SFI1: variants seen among roughly 807,000 people sequenced by gnomAD.
SFI1 encodes the protein protein SFI1 homolog.
A neutral mutation model predicts 207.5 loss-of-function variants in SFI1; 195 were observed. The ratio of observed to expected loss-of-function variants is 0.94; its 90% CI spans 0.84 to 1.06. The LOEUF (loss-of-function observed/expected upper bound fraction) is 1.06. Among genes scored for constraint, SFI1 ranks in the 50% least tolerant of loss-of-function variants. SFI1 has a pLI of 0.00. For synonymous variants in SFI1, 630 were observed against 598.9 expected (o/e 1.05, Z -0.76); for missense variants, 1,634 against 1,588.0 (o/e 1.03, Z -0.49).
At chr22:31,559,846 A>G in intron 7 of SFI1, 1 of 687,576 alleles carries the variant, frequency 1.5e-6, no homozygotes, top group Admixed American at 1.8e-5. Context: ...CCCATAGAGG[A>G]CCGCACCACT....
At chr22:31,537,192 C>T (rs2059079998) in intron 4 of SFI1, among the ~76,000 whole-genome samples, 1 of 152,196 alleles carries the variant, frequency 6.6e-6, no homozygotes, top group South Asian at 2.1e-4. Flanking sequence ...GGTAACACTT[C>T]GTAGTTGCAA....
At chr22:31,512,148 G>A (rs905276848) in intron 2 of SFI1, among the ~76,000 whole-genome samples, 2 of 152,110 alleles carry the variant, frequency 1.3e-5, no homozygotes, top group African/African-American at 4.8e-5. Context: ...CTGAGGCCAG[G>A]AGTTTGAGAC....
intron 4 of SFI1, among the ~76,000 whole-genome samples, chr22:31,531,603 T>C (rs1409347094): frequency 6.6e-6 from 1 of 151,098 alleles, no homozygotes; most frequent in Non-Finnish European, 1.5e-5. Flanking sequence ...CTACAAAAAT[T>C]AGCCGAGCAG....
chr22:31,547,806 C>T (rs1215804399), intron 5 of SFI1, among the ~76,000 whole-genome samples: 2 of 145,606 alleles, frequency 1.4e-5, no homozygotes, highest in Non-Finnish European at 3.0e-5. Context: ...GATGAGGTTT[C>T]TCCATGTTGG....
In SFI1 at chr22:31,616,803, G is replaced by A. The variant is rs2071604003; in HGVS notation, c.3359G>A (p.Ser1120Asn). 3.1e-6 allele frequency: 5 copies of A among 1,611,742 alleles called. No homozygotes were observed. The East Asian group carries it at 6.7e-5, about 22-fold the overall frequency. ...CCCCCGGTCCCCTCATCCCTGGCCA[G>A]TGTCCCTGACCCCCATCTACTCCTT... ...DKPPVPSSLA[S>N]VPDPHLLLPG... The change falls in exon 30 of 33, where the codon AGT becomes AAT. Residue 1120 changes from serine to asparagine, a missense_variant. Ser to Asn is a conservative substitution (Grantham distance 46, BLOSUM62 1). Coordinates refer to ENST00000400288, the MANE Select transcript of SFI1 (RefSeq NM_001007467.3).
At chr22:31,612,394 A>ATACATATATATATATATAT (rs1367477107) in intron 24 of SFI1, 2 of 107,346 alleles carry the variant, frequency 1.9e-5, no homozygotes, top group African/African-American at 7.5e-5. Context: ...AAAAAAAAAA[A>ATACATATATATATATATAT]AAAAATATAT....
Position 31,604,298 on chromosome 22 carries a change from T to A in SFI1, c.1882-11T>A. 3 of 1,563,380 alleles carry A rather than the reference T, an allele frequency of 1.9e-6. No homozygotes were observed. The highest frequency in any genetic ancestry group is 2.6e-6 in the Non-Finnish European group (3 of 1,155,438). ...CCAGCCCACGGTAGCTGCTTTCTCC[T>A]CTGTCTGCAGTGCCTGGCCCTGCGG... On this transcript the variant is annotated splice_polypyrimidine_tract_variant and intron_variant, in intron 18 of 32. Coordinates refer to ENST00000400288, the MANE Select transcript of SFI1 (RefSeq NM_001007467.3).
intron 12 of SFI1, among the ~76,000 whole-genome samples, chr22:31,582,217 TATATATATATATATA>T (rs2064322247): frequency 2.8e-5 from 1 of 35,808 alleles, no homozygotes; most frequent in East Asian, 1.2e-3. Flanking sequence ...TATATATATA[TATATATATATATATA>T]TATATTTTTT....
intron 6 of SFI1, 60 bp downstream of exon 6, chr22:31,550,408 A>G (rs1411656208): frequency 7.6e-7 from 1 of 1,316,630 alleles, no homozygotes; most frequent in Non-Finnish European, 1.1e-6. Context: ...AGAAGGTCAT[A>G]GGAAGGACAA....
intron 8 of SFI1, among the ~76,000 whole-genome samples, chr22:31,564,412 CAA>C (rs34004221): frequency 2.1e-4 from 29 of 140,650 alleles, no homozygotes; most frequent in Non-Finnish European, 2.9e-4. Context: ...TCTATACTTG[CAA>C]AAAAAAAAAA....
intron 1 of SFI1, among the ~76,000 whole-genome samples, chr22:31,501,004 G>A (rs755238252): frequency 6.0e-5 from 9 of 150,628 alleles, no homozygotes; most frequent in African/African-American, 2.2e-4. Flanking sequence ...TCACCATATT[G>A]GCCAGGCTGG....
At chr22:31,542,066 A>C (rs1332975185) in intron 4 of SFI1, among the ~76,000 whole-genome samples, 3 of 143,480 alleles carry the variant, frequency 2.1e-5, no homozygotes, top group East Asian at 2.1e-4. Flanking sequence ...ACACCACTGC[A>C]CTCCAGCCTG....
chr22:31,604,864 T>C lies in SFI1; in HGVS notation c.1978-5T>C, dbSNP rs2068708226. On this transcript the variant is annotated splice_polypyrimidine_tract_variant and splice_region_variant and intron_variant, in intron 19 of 32. Coordinates refer to ENST00000400288, the MANE Select transcript of SFI1 (RefSeq NM_001007467.3). The stretch of plus-strand genomic sequence containing the variant: ...AGCAGCCTCAGTCTTCCTTGTCCCC[T>C]ACAGACTTACCAGGGCAGGGTGCGA... 1.2e-6 allele frequency: 2 copies of C among 1,611,198 alleles called. No homozygotes were observed. Among genetic ancestry groups the C allele is most frequent in the East Asian group, 4.5e-5 (2 of 44,602 alleles).
intron 15 of SFI1, among the ~76,000 whole-genome samples, chr22:31,597,321 T>C (rs2067298028): frequency 6.6e-6 from 1 of 152,186 alleles, no homozygotes; most frequent in Non-Finnish European, 1.5e-5. Flanking sequence ...CCAGGAGGCT[T>C]GCAGGACGGT....
In SFI1 at chr22:31,515,362, T is replaced by C. The variant is rs552831309; in HGVS notation, c.92+6986T>C. On this transcript the variant is annotated intron_variant, in intron 2 of 32. Coordinates refer to ENST00000400288, the MANE Select transcript of SFI1 (RefSeq NM_001007467.3). The stretch of plus-strand genomic sequence containing the variant: ...GTGTGTTTCTTTTTTCTTTTTCTTT[T>C]TTTTGGGACAGGATCTCATTCTTTT... Among the ~76,000 whole-genome samples the C allele has an allele frequency of 7.5e-4, 114 of 151,714 alleles. 2 individuals are homozygous for C. In the Middle Eastern group the frequency reaches 0.024, roughly 32 times the overall value.
At position 31,617,043 on chromosome 22, in the gene SFI1, A is replaced by C. The variant is rs556419777; in HGVS notation, c.3477A>C (p.Gln1159His). ...LEAELEEIQQQLLHYQTTKQN... is the reference protein window; with the variant it reads ...LEAELEEIQQHLLHYQTTKQN... ...CTGAACTTGAGGAGATCCAGCAGCA[A>C]CTACTGCACTACCAGACCACCAAGC... is the stretch of plus-strand genomic sequence containing the variant. Residue 1159 changes from glutamine (Q) to histidine (H), a missense_variant, in exon 31 of 33, where the codon CAA becomes CAC. By Grantham distance (24) the Gln-to-His change is conservative (BLOSUM62 0). Coordinates refer to ENST00000400288, the MANE Select transcript of SFI1 (RefSeq NM_001007467.3). 4 of 1,614,054 alleles carry C rather than the reference A, an allele frequency of 2.5e-6. No individual in the cohort carries two copies. The African/African-American group carries it at 5.3e-5, about 22-fold the overall frequency.
intron 2 of SFI1, among the ~76,000 whole-genome samples, chr22:31,514,928 T>C (rs981605124): frequency 1.3e-5 from 2 of 152,074 alleles, no homozygotes; most frequent in African/African-American, 4.8e-5. Flanking sequence ...TGTGCCACCA[T>C]GCCCAGCTAA....
At chr22:31,501,166 T>C (rs1047548593) in intron 1 of SFI1, among the ~76,000 whole-genome samples, 4 of 150,972 alleles carry the variant, frequency 2.6e-5, no homozygotes, top group African/African-American at 9.8e-5. Context: ...ACTACAAGTG[T>C]AGACATAACT....
intron 8 of SFI1, among the ~76,000 whole-genome samples, chr22:31,571,601 C>T (rs190245466): frequency 1.6e-4 from 25 of 152,136 alleles, no homozygotes; most frequent in African/African-American, 6.0e-4. Context: ...AGGTGTGAGC[C>T]ACCCCGCCCC....
Sources: gnomAD v4.1 joint callset for allele counts (sites outside exome capture counted in the v4.1 genomes callset) on GRCh38, gnomAD v4.1.1 for gene constraint, MANE v1.5 for transcripts, NCBI Gene and HGNC (gene_info 2026-07-23, HGNC 2026-07-21) for gene names.